The following PTPRD variants were observed in gnomAD, a reference collection of about 807,000 sequenced individuals.
PTPRD encodes the protein receptor-type tyrosine-protein phosphatase delta.
A neutral mutation model predicts 214.5 loss-of-function variants in PTPRD; 34 were observed. The ratio of observed to expected loss-of-function variants is 0.16; its 90% CI spans 0.12 to 0.21. The LOEUF is 0.21. PTPRD is among the 10% of genes least tolerant of loss of function. The pLI is 1.00. For synonymous variants in PTPRD, 1,128 were observed against 845.7 expected, an observed-to-expected ratio of 1.33 and a Z score of -5.79; for missense variants, 2,545 against 2,398.7, an observed-to-expected ratio of 1.06 and a Z score of -1.27.
intron 10 of PTPRD, among the ~76,000 whole-genome samples, chr9:9,027,680 G>A (rs1316594500): frequency 6.6e-6 from 1 of 151,802 alleles, no homozygotes; most frequent in Non-Finnish European, 1.5e-5. Flanking sequence ...ACATATCATT[G>A]AGGTGTTATG....
At chr9:9,418,127 C>T (rs1224897888) in intron 8 of PTPRD, among the ~76,000 whole-genome samples, 1 of 152,070 alleles carries the variant, frequency 6.6e-6, no homozygotes, top group African/African-American at 2.4e-5. Context: ...ATAAGACTTG[C>T]ATGGCATCTC....
At chr9:8,820,567 G>A (rs2097032424) in intron 11 of PTPRD, among the ~76,000 whole-genome samples, 1 of 152,136 alleles carries the variant, frequency 6.6e-6, no homozygotes, top group Admixed American at 6.5e-5. Context: ...TCAAGGTTAA[G>A]GATACATTTT....
intron 8 of PTPRD, among the ~76,000 whole-genome samples, chr9:9,398,305 T>C (rs572859630): frequency 6.6e-6 from 1 of 152,154 alleles, no homozygotes; most frequent in Non-Finnish European, 1.5e-5. Flanking sequence ...TTACAGTATT[T>C]ATCAGATTCT....
chr9:8,847,788 G>C (rs553575720), intron 11 of PTPRD, among the ~76,000 whole-genome samples: 2 of 152,202 alleles, frequency 1.3e-5, no homozygotes, highest in African/African-American at 4.8e-5. Flanking sequence ...CACCCTTATT[G>C]ATAATGAAAC....
At position 8,891,137 on chromosome 9, in the gene PTPRD, A is replaced by ATTTTTTTTTTTTTTTTTTT. The variant is rs761564011; in HGVS notation, c.-104+127559_-104+127560insAAAAAAAAAAAAAAAAAAA. On this transcript the variant is annotated intron_variant, in intron 11 of 45. Coordinates refer to ENST00000381196, the MANE Select transcript of PTPRD (RefSeq NM_002839.4). ...AACTTCTGTGCTTTGAATTAATCTA[A>ATTTTTTTTTTTTTTTTTTT]TTTTTTTTTTTTTTGAGACTGAGTC... is the stretch of plus-strand genomic sequence containing the variant. Among the ~76,000 whole-genome samples, 73 of 123,612 alleles carry ATTTTTTTTTTTTTTTTTTT rather than the reference A, an allele frequency of 5.9e-4. 8 individuals carry two copies. The highest frequency in any genetic ancestry group is 1.8e-3 in the African/African-American group (58 of 31,644). 81.1% of individuals were successfully genotyped at this position (123,612 alleles called of 152,430 possible).
At chr9:9,676,621 T>C (rs554399119) in intron 7 of PTPRD, among the ~76,000 whole-genome samples, 1 of 152,280 alleles carries the variant, frequency 6.6e-6, no homozygotes, top group Non-Finnish European at 1.5e-5. Context: ...TCATGATTTA[T>C]AATCCTTTGG....
At chr9:8,613,758 T>C (rs1235076626) in intron 14 of PTPRD, among the ~76,000 whole-genome samples, 3 of 152,164 alleles carry the variant, frequency 2.0e-5, no homozygotes, top group Non-Finnish European at 4.4e-5. Flanking sequence ...CTCTTCTACA[T>C]GACAGTCCAC....
At chr9:10,327,306 G>T (rs1597205256) in intron 3 of PTPRD, among the ~76,000 whole-genome samples, 1 of 151,012 alleles carries the variant, frequency 6.6e-6, no homozygotes, top group African/African-American at 2.4e-5. Context: ...TTACTCTCAT[G>T]GCAGTTGATT....
intron 6 of PTPRD, among the ~76,000 whole-genome samples, chr9:9,755,288 G>A (rs1346202459): frequency 6.6e-6 from 1 of 151,988 alleles, no homozygotes; most frequent in Admixed American, 6.6e-5. Flanking sequence ...CACTGAGTAT[G>A]CTACCTTTTG....
intron 14 of PTPRD, among the ~76,000 whole-genome samples, chr9:8,535,360 T>C (rs1468305661): frequency 6.6e-6 from 1 of 151,940 alleles, no homozygotes; most frequent in African/African-American, 2.4e-5. Context: ...AGCATAGTGT[T>C]TGTGCCAAGT....
intron 12 of PTPRD, among the ~76,000 whole-genome samples, chr9:8,696,126 G>A (rs928989822): frequency 1.3e-5 from 2 of 152,176 alleles, no homozygotes; most frequent in African/African-American, 4.8e-5. Flanking sequence ...ACCTCAGCTG[G>A]GTTGAGGACC....
At chr9:10,588,799 C>A (rs894402756) in intron 2 of PTPRD, among the ~76,000 whole-genome samples, 15 of 151,956 alleles carry the variant, frequency 9.9e-5, no homozygotes, top group African/African-American at 3.1e-4. Context: ...TCTCTCTGGC[C>A]CCCTATTTCA....
intron 9 of PTPRD, among the ~76,000 whole-genome samples, chr9:9,348,515 G>A (rs2049813873): frequency 6.6e-6 from 1 of 152,004 alleles, no homozygotes; most frequent in East Asian, 1.9e-4. Flanking sequence ...TGCTGGGTGG[G>A]TGAACAAATA....
chr9:8,548,346 AG>A (rs906016748), intron 14 of PTPRD, among the ~76,000 whole-genome samples: 9 of 151,806 alleles, frequency 5.9e-5, no homozygotes, highest in African/African-American at 2.2e-4. Context: ...TTCATGTGTT[AG>A]GTTGTATATG....
chr9:9,752,545 C>G (rs2098530857), intron 6 of PTPRD, among the ~76,000 whole-genome samples: 1 of 151,656 alleles, frequency 6.6e-6, no homozygotes, highest in Non-Finnish European at 1.5e-5. Flanking sequence ...TTTTAGAATC[C>G]CGTGGAGCTT....
In PTPRD at chr9:10,040,877, T is replaced by C. The variant is rs151098495; in HGVS notation, c.-544-7087A>G. ...CAATATGTGCTATTTGAAAATTAGA[T>C]AATCTGCTTAAGAGCTATTATTGGG... On this transcript the variant is annotated intron_variant, in intron 3 of 45. Coordinates refer to ENST00000381196, the MANE Select transcript of PTPRD (RefSeq NM_002839.4). 2.6e-3 allele frequency among the ~76,000 whole-genome samples: 396 copies of C among 152,190 alleles called. 1 individual carries two copies. The highest frequency in any genetic ancestry group is 8.9e-3 in the African/African-American group (372 of 41,568).
intron 10 of PTPRD, among the ~76,000 whole-genome samples, chr9:9,066,525 T>C (rs764868852): frequency 2.7e-5 from 4 of 150,904 alleles, no homozygotes; most frequent in Non-Finnish European, 5.9e-5. Flanking sequence ...CTGGAAATTA[T>C]GAATGTGACC....
chr9:10,268,220 T>C (rs550418727), intron 3 of PTPRD, among the ~76,000 whole-genome samples: 4 of 149,720 alleles, frequency 2.7e-5, no homozygotes, highest in Non-Finnish European at 4.4e-5. Flanking sequence ...AACCCAGGAG[T>C]TGCAGGCTGC....
At chr9:10,089,905 G>A (rs1317830284) in intron 3 of PTPRD, among the ~76,000 whole-genome samples, 1 of 151,554 alleles carries the variant, frequency 6.6e-6, no homozygotes, top group African/African-American at 2.4e-5. Flanking sequence ...AATGTATGAT[G>A]TAATTAAAAA....
Sources: allele counts gnomAD v4.1 joint callset (sites outside exome capture counted in the v4.1 genomes callset), GRCh38; gene constraint gnomAD v4.1.1; transcripts MANE v1.5; gene names NCBI Gene and HGNC (gene_info 2026-07-23, HGNC 2026-07-21).